The following PIEZO2 variants were observed in gnomAD, a reference collection of about 807,000 sequenced individuals.
The protein encoded by PIEZO2 is piezo-type mechanosensitive ion channel component 2.
PIEZO2 carries 172 observed loss-of-function variants against 337.3 expected under a neutral mutation model. The ratio of observed to expected loss-of-function variants is 0.51; its 90% CI spans 0.45 to 0.58. The LOEUF is 0.58. Among genes scored for constraint, PIEZO2 ranks in the 20% least tolerant of loss-of-function variants. PIEZO2 has a pLI of 0.00. For synonymous variants in PIEZO2, 1,251 were observed against 1,228.5 expected (o/e 1.02, Z -0.38); for missense variants, 3,028 against 3,391.3 (o/e 0.89, Z 2.66).
At chr18:11,087,063 T>C (rs1206922502) in intron 1 of PIEZO2, among the ~76,000 whole-genome samples, 1 of 152,108 alleles carries the variant, frequency 6.6e-6, no homozygotes, top group Non-Finnish European at 1.5e-5. Context: ...CGTGGAGTCC[T>C]TGTGAGTGGG....
At chr18:10,845,473 G>A (rs1224027697) in intron 7 of PIEZO2, among the ~76,000 whole-genome samples, 1 of 152,076 alleles carries the variant, frequency 6.6e-6, no homozygotes, top group Non-Finnish European at 1.5e-5. Flanking sequence ...ACCCTCACAT[G>A]TAGCAGTTTA....
chr18:10,945,697 G>T lies in PIEZO2; in HGVS notation c.286+33838C>A, dbSNP rs184128855. Reference sequence around the variant, plus strand: ...CAGAAAATAGGACCCATAATCAGCAGAAAAAATCAATCAAAATCTTCCCAG... The same window carrying T: ...CAGAAAATAGGACCCATAATCAGCATAAAAAATCAATCAAAATCTTCCCAG... On this transcript the variant is annotated intron_variant, in intron 3 of 55. Transcript: ENST00000674853. The surrounding 1 kb of genome is among the most constrained non-coding windows in gnomAD (Gnocchi z 4.0). Among the ~76,000 whole-genome samples the T allele has an allele frequency of 1.4e-3, 212 of 152,218 alleles. No homozygotes were observed. Among genetic ancestry groups the T allele is most frequent in the African/African-American group, 4.9e-3 (205 of 41,552 alleles).
intron 1 of PIEZO2, among the ~76,000 whole-genome samples, chr18:11,114,058 C>T (rs1446979893): frequency 6.6e-6 from 1 of 152,212 alleles, no homozygotes. Flanking sequence ...AATCAAATAT[C>T]ATTCCATGTT....
In PIEZO2 at chr18:10,773,431, C is replaced by T; in HGVS notation, c.2766G>A (p.Glu922=). Residue 922 remains glutamate (E), a synonymous_variant, in exon 20 of 56, where the codon GAG becomes GAA. Transcript: ENST00000674853. The surrounding 1 kb of genome is among the most constrained non-coding windows in gnomAD (Gnocchi z 5.3). ...GATTACCTGATGTTTCTTCCTCCTCCTCGGATTCCTCCTCTTCCTCTCCGT... is the reference window on the plus strand; with the variant it reads ...GATTACCTGATGTTTCTTCCTCCTCTTCGGATTCCTCCTCTTCCTCTCCGT... ...EEDGEEEEES[E]EEEETSDLRN... is the part of the protein sequence containing the mutation. 6.5e-7 allele frequency: 1 copy of T among 1,537,372 alleles called. No homozygotes were observed. The highest frequency in any genetic ancestry group is 8.7e-7 in the Non-Finnish European group (1 of 1,146,960).
chr18:10,801,311 G>T, intron 10 of PIEZO2, 79 bp downstream of exon 10: 1 of 1,235,044 alleles, frequency 8.1e-7, no homozygotes, highest in Non-Finnish European at 1.1e-6. Context: ...CATTAAAATA[G>T]ACTCAAAGGA....
chr18:11,043,826 T>G (rs1383728965), intron 2 of PIEZO2, among the ~76,000 whole-genome samples: 2 of 151,984 alleles, frequency 1.3e-5, no homozygotes, highest in Non-Finnish European at 1.5e-5. Flanking sequence ...CGTGCCATCA[T>G]GCCTGGCTGA....
intron 27 of PIEZO2, among the ~76,000 whole-genome samples, chr18:10,756,105 G>GGGATGAGGAGGAAAGATGGA (rs2037833111): frequency 6.7e-6 from 1 of 149,898 alleles, no homozygotes. Context: ...GGAGAGATAG[G>GGGATGAGGAGGAAAGATGGA]GGATGAGGAG....
intron 34 of PIEZO2, among the ~76,000 whole-genome samples, 65 bp from the exon 35 acceptor site, chr18:10,735,395 G>A (rs1425747081): frequency 6.6e-6 from 1 of 152,120 alleles, no homozygotes; most frequent in Non-Finnish European, 1.5e-5. Flanking sequence ...TTTAATATAT[G>A]ATGTCAGCAT....
intron 4 of PIEZO2, among the ~76,000 whole-genome samples, chr18:10,891,567 T>C (rs990302344): frequency 6.6e-6 from 1 of 152,186 alleles, no homozygotes; most frequent in African/African-American, 2.4e-5. Context: ...AACACACACA[T>C]GAGGACAATT....
intron 2 of PIEZO2, among the ~76,000 whole-genome samples, chr18:11,019,175 C>T (rs1598837314): frequency 6.6e-6 from 1 of 152,236 alleles, no homozygotes; most frequent in South Asian, 2.1e-4. Flanking sequence ...CCACAGAAGG[C>T]AGCAGCCTTC....
intron 4 of PIEZO2, among the ~76,000 whole-genome samples, chr18:10,902,505 T>G (rs1040535383): frequency 2.6e-5 from 4 of 152,204 alleles, no homozygotes; most frequent in Non-Finnish European, 4.4e-5. Context: ...TAAAACTTTC[T>G]GTTTATATGT....
At chr18:10,911,624 G>A (rs2030484465) in intron 3 of PIEZO2, among the ~76,000 whole-genome samples, 1 of 152,050 alleles carries the variant, frequency 6.6e-6, no homozygotes, top group Admixed American at 6.6e-5. Flanking sequence ...GCATGGTGGT[G>A]GGCACCTGTA....
Position 11,096,245 on chromosome 18 carries a change from G to T in PIEZO2, c.65-30023C>A, listed in dbSNP as rs930021534. ...GAGAAGGACCACGTGCCCTTTGCCA[G>T]ACCAAGCCTGTCCACCCAATGGAAC... On this transcript the variant is annotated intron_variant, in intron 1 of 55. Coordinates refer to ENST00000674853, the MANE Select transcript of PIEZO2 (RefSeq NM_001378183.1). The surrounding 1 kb of genome is among the most constrained non-coding windows in gnomAD (Gnocchi z 4.6). Among the ~76,000 whole-genome samples the T allele has an allele frequency of 6.6e-6, 1 of 152,224 alleles. No homozygotes were observed. Among genetic ancestry groups the T allele is most frequent in the Non-Finnish European group, 1.5e-5 (1 of 68,034 alleles).
chr18:11,118,056 A>G (rs965794675), intron 1 of PIEZO2, among the ~76,000 whole-genome samples: 2 of 152,198 alleles, frequency 1.3e-5, no homozygotes, highest in African/African-American at 2.4e-5. Flanking sequence ...GTTTCCTTCA[A>G]TCCCCATAAA....
Position 10,784,729 on chromosome 18 carries a change from G to A in PIEZO2, c.2492+55C>T. 7.5e-7 allele frequency: 1 copy of A among 1,341,274 alleles called. No individual in the cohort carries two copies. Among genetic ancestry groups the A allele is most frequent in the Non-Finnish European group, 9.6e-7 (1 of 1,046,840 alleles). 83.1% of individuals were successfully genotyped at this position (1,341,274 alleles called of 1,614,324 possible). On this transcript the variant is annotated intron_variant, in intron 17 of 55. Transcript: ENST00000674853. This position sits in a 1 kb window ranked among gnomAD's most constrained non-coding sequence, Gnocchi z 4.5. ...CGCAAGGTGGCCAACCTAAGGTAGG[G>A]TTGAAGAGCTGCCTTCCTGCTAATA... is the stretch of plus-strand genomic sequence containing the variant.
chr18:10,960,168 A>C (rs1308685083), intron 3 of PIEZO2, among the ~76,000 whole-genome samples: 12 of 152,316 alleles, frequency 7.9e-5, no homozygotes, highest in African/African-American at 2.9e-4. Context: ...AATCCTAAAA[A>C]TGCCAAACCA....
intron 32 of PIEZO2, 74 bp from the exon 33 acceptor site, chr18:10,741,176 C>T (rs1321326345): frequency 1.5e-6 from 2 of 1,353,832 alleles, no homozygotes; most frequent in Non-Finnish European, 9.9e-7. Context: ...GCTTTAACAA[C>T]TCAATTGTCA....
chr18:11,137,771 A>AG (rs2040532023), intron 1 of PIEZO2, among the ~76,000 whole-genome samples: 1 of 152,330 alleles, frequency 6.6e-6, no homozygotes, highest in East Asian at 1.9e-4. Flanking sequence ...CAGCTTGCTA[A>AG]GGGTCTTCAT....
intron 5 of PIEZO2, among the ~76,000 whole-genome samples, chr18:10,866,439 C>T (rs568561877): frequency 6.6e-6 from 1 of 152,240 alleles, no homozygotes; most frequent in East Asian, 1.9e-4. Flanking sequence ...GCACCCGCCA[C>T]CACACCTGGC....
Sources: gnomAD v4.1 joint callset for allele counts (sites outside exome capture counted in the v4.1 genomes callset) on GRCh38, gnomAD v4.1.1 for gene constraint, Gnocchi (gnomAD v3.1) non-coding constraint, MANE v1.5 for transcripts, NCBI Gene and HGNC (gene_info 2026-07-23, HGNC 2026-07-21) for gene names.